RHOJ: variants seen among roughly 807,000 people sequenced by gnomAD.
RHOJ encodes the protein ras homolog family member J.
A neutral mutation model predicts 23.4 loss-of-function variants in RHOJ; 11 were observed. That is an observed-to-expected ratio of 0.47 (90% confidence interval 0.30 to 0.78). The LOEUF (loss-of-function observed/expected upper bound fraction) is 0.78, where lower values mean the gene tolerates loss of function less well. Among genes scored for constraint, RHOJ ranks in the 30% least tolerant of loss-of-function variants. The pLI is 0.08. For missense variants in RHOJ, 254 were observed against 273.4 expected, an observed-to-expected ratio of 0.93 and a Z score of 0.50; for synonymous variants, 102 against 102.7, an observed-to-expected ratio of 0.99 and a Z score of 0.04.
chr14:63,259,087 G>A lies in RHOJ; in HGVS notation c.179-10023G>A, dbSNP rs183953831. On this transcript the variant is annotated intron_variant, in intron 1 of 4. Transcript: ENST00000316754. The stretch of plus-strand genomic sequence containing the variant: ...CCTAAATGGCTGGAATTACAGGTGC[G>A]TGCCACCACGCCTGGCTAATTTTTG... Among the ~76,000 whole-genome samples the A allele has an allele frequency of 4.1e-3, 618 of 152,230 alleles. 5 individuals are homozygous for A. Among genetic ancestry groups the A allele is most frequent in the Non-Finnish European group, 7.2e-3 (492 of 68,012 alleles).
At chr14:63,212,422 C>T (rs545596769) in intron 1 of RHOJ, among the ~76,000 whole-genome samples, 12 of 152,158 alleles carry the variant, frequency 7.9e-5, no homozygotes, top group Admixed American at 2.0e-4. Flanking sequence ...CCAGAAGGAC[C>T]ACCTAGAGTT....
chr14:63,255,185 T>C (rs1364062002), intron 1 of RHOJ, among the ~76,000 whole-genome samples: 1 of 152,152 alleles, frequency 6.6e-6, no homozygotes, highest in Non-Finnish European at 1.5e-5. Context: ...ATCAGCCCTC[T>C]TGGGAGGTTC....
At chr14:63,269,977 C>T (rs955245471) in intron 2 of RHOJ, among the ~76,000 whole-genome samples, 1 of 152,174 alleles carries the variant, frequency 6.6e-6, no homozygotes, top group Non-Finnish European at 1.5e-5. Flanking sequence ...CAACTGATGG[C>T]CGTAGCCCAA....
At chr14:63,250,098 C>T (rs1895042938) in intron 1 of RHOJ, among the ~76,000 whole-genome samples, 2 of 152,222 alleles carry the variant, frequency 1.3e-5, no homozygotes, top group African/African-American at 4.8e-5. Flanking sequence ...ATCTCTACTG[C>T]TACCACCTGG....
chr14:63,292,421 G>A lies in RHOJ; in HGVS notation c.*1397G>A, dbSNP rs1034768494. The A allele has an allele frequency of 1.3e-5, 2 of 152,258 alleles. No homozygotes were observed. Among genetic ancestry groups the A allele is most frequent in the Admixed American group, 6.5e-5 (1 of 15,296 alleles). The allele number at this position is 152,258 out of a possible 1,614,324, so 9.4% of individuals were successfully genotyped here. On this transcript the variant is annotated 3_prime_UTR_variant, in exon 5 of 5. Coordinates refer to ENST00000316754, the MANE Select transcript of RHOJ (RefSeq NM_020663.5). ...TCCAGGAATTTTTGTATCATAGAGC[G>A]AATTACTTCCTATCTTTTCATTAGA...
chr14:63,285,602 C>T (rs551815627), intron 4 of RHOJ, among the ~76,000 whole-genome samples: 2 of 152,318 alleles, frequency 1.3e-5, no homozygotes, highest in South Asian at 2.1e-4. Flanking sequence ...ACCACATTTA[C>T]ATATTTTGCA....
chr14:63,240,076 G>T (rs1894856719), intron 1 of RHOJ, among the ~76,000 whole-genome samples: 1 of 152,148 alleles, frequency 6.6e-6, no homozygotes. Context: ...ATGGTAGAAT[G>T]AGAAAATGAA....
chr14:63,211,804 T>A (rs1271032532), intron 1 of RHOJ, among the ~76,000 whole-genome samples: 1 of 152,164 alleles, frequency 6.6e-6, no homozygotes, highest in African/African-American at 2.4e-5. Context: ...GATGAACAAT[T>A]CCCGGCACAA....
chr14:63,232,822 A>G (rs1024587517), intron 1 of RHOJ, among the ~76,000 whole-genome samples: 1 of 149,030 alleles, frequency 6.7e-6, no homozygotes, highest in African/African-American at 2.5e-5. Context: ...TCAGCCTCCC[A>G]AGTAGCTGGG....
intron 2 of RHOJ, among the ~76,000 whole-genome samples, chr14:63,272,525 G>C (rs1033519894): frequency 1.3e-5 from 2 of 152,176 alleles, no homozygotes; most frequent in African/African-American, 4.8e-5. Context: ...TCTTTGTCTT[G>C]AACTAACTGA....
intron 1 of RHOJ, among the ~76,000 whole-genome samples, chr14:63,205,909 A>C (rs1177243307): frequency 6.6e-6 from 1 of 152,206 alleles, no homozygotes; most frequent in Non-Finnish European, 1.5e-5. Flanking sequence ...AAGTTTATCA[A>C]AAGCAAGTTA....
intron 4 of RHOJ, among the ~76,000 whole-genome samples, chr14:63,286,903 T>C (rs948185254): frequency 2.6e-5 from 4 of 152,268 alleles, no homozygotes; most frequent in African/African-American, 9.6e-5. Context: ...TGCTGACTTG[T>C]TGAGATGGCG....
chr14:63,288,272 G>T (rs180860323), intron 4 of RHOJ: 26 of 985,296 alleles, frequency 2.6e-5, no homozygotes, highest in Middle Eastern at 5.2e-4. Flanking sequence ...CTGCACACTG[G>T]GGGCAGGAGG....
At chr14:63,263,746 C>G (rs115557427) in intron 1 of RHOJ, among the ~76,000 whole-genome samples, 3,643 of 152,252 alleles carry the variant, frequency 0.024, 160 homozygotes, top group African/African-American at 0.084. Context: ...TTCTCTTTTA[C>G]TCATTTTGAG....
At chr14:63,212,254 A>G (rs974392255) in intron 1 of RHOJ, among the ~76,000 whole-genome samples, 7 of 152,178 alleles carry the variant, frequency 4.6e-5, no homozygotes, top group Non-Finnish European at 2.9e-5. Flanking sequence ...GCCATGCCTC[A>G]CTGTAAAGGA....
chr14:63,253,401 A>ATTT lies in RHOJ; in HGVS notation c.179-15698_179-15696dup, dbSNP rs200795109. On this transcript the variant is annotated intron_variant, in intron 1 of 4. Coordinates refer to ENST00000316754, the MANE Select transcript of RHOJ (RefSeq NM_020663.5). ...CCTGCCTCAGCTTCCCAAGTAGCTAATTTTTTTTTTTTTAGAGATGGGGTT... is the reference window on the plus strand; with the variant it reads ...CCTGCCTCAGCTTCCCAAGTAGCTAATTTTTTTTTTTTTTTTAGAGATGGGGTT... Among the ~76,000 whole-genome samples, 137 of 146,276 alleles carry ATTT rather than the reference A, an allele frequency of 9.4e-4. 2 individuals are homozygous for ATTT. The highest frequency in any genetic ancestry group is 3.6e-3 in the Middle Eastern group (1 of 278).
chr14:63,218,056 G>A (rs1894405061), intron 1 of RHOJ, among the ~76,000 whole-genome samples: 1 of 152,104 alleles, frequency 6.6e-6, no homozygotes, highest in Non-Finnish European at 1.5e-5. Context: ...TCACCAATAT[G>A]AGAGTACTAC....
At chr14:63,276,104 G>A (rs1044594023) in intron 2 of RHOJ, among the ~76,000 whole-genome samples, 5 of 152,160 alleles carry the variant, frequency 3.3e-5, no homozygotes, top group African/African-American at 1.2e-4. Context: ...AGGGGAGAGG[G>A]AAGAACAGTC....
Position 63,293,184 on chromosome 14 carries a change from C to A in RHOJ, c.*2160C>A, listed in dbSNP as rs1323322538. 1 of 152,148 alleles carries A rather than the reference C, an allele frequency of 6.6e-6. No individual in the cohort carries two copies. Among genetic ancestry groups the A allele is most frequent in the Non-Finnish European group, 1.5e-5 (1 of 68,016 alleles). 9.4% of individuals were successfully genotyped at this position (152,148 alleles called of 1,614,324 possible). ...TTCATCCTTTACAAACAATAATGAACTTTTAGTCCTGTAATAAATGAAATG... is the reference window on the plus strand; with the variant it reads ...TTCATCCTTTACAAACAATAATGAAATTTTAGTCCTGTAATAAATGAAATG... On this transcript the variant is annotated 3_prime_UTR_variant, in exon 5 of 5. Coordinates refer to ENST00000316754, the MANE Select transcript of RHOJ (RefSeq NM_020663.5).
Sources: allele counts gnomAD v4.1 joint callset (sites outside exome capture counted in the v4.1 genomes callset), GRCh38; gene constraint gnomAD v4.1.1; transcripts MANE v1.5; gene names NCBI Gene and HGNC (gene_info 2026-07-23, HGNC 2026-07-21).